Variants in FAXDC2 observed in about 807,000 individuals in gnomAD.
FAXDC2 encodes the protein fatty acid hydroxylase domain-containing protein 2.
Under a neutral mutation model 40.9 loss-of-function variants are expected in FAXDC2, and 41 were observed. That is an observed-to-expected ratio of 1.00 (90% CI 0.78 to 1.30). The LOEUF (loss-of-function observed/expected upper bound fraction) is 1.30, where lower values mean the gene tolerates loss of function less well. Ranked by LOEUF, FAXDC2 falls within the 50% of genes most tolerant of loss-of-function variation. The pLI is 0.00. For missense variants in FAXDC2, 390 were observed against 408.8 expected, an observed-to-expected ratio of 0.95 and a Z score of 0.40; for synonymous variants, 157 against 149.3, an observed-to-expected ratio of 1.05 and a Z score of -0.38.
intron 7 of FAXDC2, chr5:154,821,862 C>A: frequency 6.2e-6 from 1 of 161,262 alleles, no homozygotes; most frequent in South Asian, 1.8e-4. Flanking sequence ...GAGGCCAAGG[C>A]GGGTAGATCA....
intron 2 of FAXDC2, among the ~76,000 whole-genome samples, chr5:154,837,216 A>ACTCT (rs145240877): frequency 2.7e-5 from 4 of 149,050 alleles, no homozygotes; most frequent in South Asian, 2.1e-4. Context: ...ACGTGCACAC[A>ACTCT]CTCTCTCTCT....
At position 154,823,544 on chromosome 5, in the gene FAXDC2, G is replaced by T. The variant is rs944640790; in HGVS notation, c.415C>A (p.Gln139Lys). Reference protein sequence around the residue: ...RQSIRTVLFNQCMISFPMVVF... With the variant: ...RQSIRTVLFNKCMISFPMVVF... ...ACCATGGGGAAAGATATCATGCACT[G>T]GTTGAAAAGAACTGTGCGGATAGAC... Residue 139 changes from glutamine (Q) to lysine (K), a missense_variant, in exon 6 of 9, where the codon CAG (glutamine) becomes AAG (lysine). Coordinates refer to ENST00000326080, the MANE Select transcript of FAXDC2 (RefSeq NM_032385.5). 1.2e-6 allele frequency: 2 copies of T among 1,614,202 alleles called. No individual in the cohort carries two copies. The highest frequency in any genetic ancestry group is 4.5e-5 in the East Asian group (2 of 44,874).
At chr5:154,834,035 C>G (rs1297381706) in intron 4 of FAXDC2, among the ~76,000 whole-genome samples, 1 of 148,174 alleles carries the variant, frequency 6.7e-6, no homozygotes, top group Non-Finnish European at 1.5e-5. Flanking sequence ...TATTATATGT[C>G]ATATTAATAA....
intron 5 of FAXDC2, among the ~76,000 whole-genome samples, chr5:154,829,946 C>T (rs1760147383): frequency 6.6e-6 from 1 of 152,168 alleles, no homozygotes; most frequent in South Asian, 2.1e-4. Flanking sequence ...GTAAGCCAGG[C>T]CAGCAGTCCA....
intron 1 of FAXDC2, among the ~76,000 whole-genome samples, chr5:154,841,152 C>T (rs2113163635): frequency 6.6e-6 from 1 of 152,250 alleles, no homozygotes; most frequent in East Asian, 1.9e-4. Context: ...GAATGGGTTT[C>T]AGACACTCTA....
At chr5:154,845,209 C>T (rs1760572002) in intron 1 of FAXDC2, among the ~76,000 whole-genome samples, 1 of 152,224 alleles carries the variant, frequency 6.6e-6, no homozygotes, top group South Asian at 2.1e-4. Context: ...TGCCCGCCTG[C>T]AGACATGTTT....
At chr5:154,836,820 G>A (rs1355539036) in intron 2 of FAXDC2, among the ~76,000 whole-genome samples, 2 of 152,066 alleles carry the variant, frequency 1.3e-5, no homozygotes, top group East Asian at 3.9e-4. Context: ...GATTGCAGGT[G>A]CCTGCCACCA....
rs78305297 is a variant in FAXDC2 at position 154,822,648 on chromosome 5, C to T, written c.573-71G>A. On this transcript the variant is annotated intron_variant, in intron 6 of 8. Transcript: ENST00000326080. ...CCCTCCCCGACCAGACCATGAGAAA[C>T]CAAAAATAGGAACTAGGGGTTACAT... 1.1e-3 allele frequency: 1,364 copies of T among 1,215,082 alleles called. 7 individuals are homozygous for T. The African/African-American group carries it at 0.018, about 16-fold the overall frequency. The allele number at this position is 1,215,082 out of a possible 1,614,324, so 75.3% of individuals were successfully genotyped here. A position where few individuals can be genotyped will look rare whatever the true frequency, so the allele number is the denominator to read the frequency against.
In FAXDC2 at chr5:154,830,854, C is replaced by T; in HGVS notation, c.313G>A (p.Gly105Arg). The T allele has an allele frequency of 6.2e-7, 1 of 1,614,154 alleles. No individual in the cohort carries two copies. Among genetic ancestry groups the T allele is most frequent in the Non-Finnish European group, 8.5e-7 (1 of 1,180,020 alleles). ...TAGCGAGAGATGAAGTTAGGTTTTC[C>T]TGTTGTGTCAACCACCAATAGAAGC... is the stretch of plus-strand genomic sequence containing the variant. ...NGLLLVVDTT[G>R]KPNFISRYRI... Residue 105 changes from glycine (G) to arginine (R), a missense_variant, in exon 5 of 9, where the codon GGA (glycine) becomes AGA (arginine). Physicochemically the swap from Gly to Arg is moderately radical, Grantham distance 125 (BLOSUM62 -2). Coordinates refer to ENST00000326080, the MANE Select transcript of FAXDC2 (RefSeq NM_032385.5).
intron 1 of FAXDC2, among the ~76,000 whole-genome samples, chr5:154,842,477 T>G (rs1178774777): frequency 1.3e-5 from 2 of 148,952 alleles, no homozygotes; most frequent in Non-Finnish European, 3.0e-5. Context: ...GTGCTGGGAT[T>G]ACAGGCGTGA....
chr5:154,834,223 G>A (rs1194864089), intron 4 of FAXDC2, among the ~76,000 whole-genome samples: 1 of 151,960 alleles, frequency 6.6e-6, no homozygotes, highest in Non-Finnish European at 1.5e-5. Context: ...CATTGAAGCT[G>A]TCAGTAAATA....
chr5:154,844,537 T>C (rs1760552499), intron 1 of FAXDC2, among the ~76,000 whole-genome samples: 1 of 152,222 alleles, frequency 6.6e-6, no homozygotes, highest in Non-Finnish European at 1.5e-5. Context: ...CATTTTTCCC[T>C]CTTTTTAAAG....
intron 5 of FAXDC2, chr5:154,824,750 T>C: frequency 1.8e-6 from 1 of 569,928 alleles, no homozygotes; most frequent in East Asian, 2.9e-5. Flanking sequence ...CCCATGGAAT[T>C]TATGTTCCAG....
At chr5:154,838,399 T>G (rs775571741) in intron 1 of FAXDC2, among the ~76,000 whole-genome samples, 22 of 152,024 alleles carry the variant, frequency 1.4e-4, no homozygotes, top group Non-Finnish European at 2.9e-4. Context: ...AAAAGAGTGG[T>G]GGAAGGGAGG....
At chr5:154,827,218 T>C (rs917176335) in intron 5 of FAXDC2, among the ~76,000 whole-genome samples, 1 of 151,722 alleles carries the variant, frequency 6.6e-6, no homozygotes, top group African/African-American at 2.4e-5. Flanking sequence ...GGCAGGAGAA[T>C]TGCTTGAACC....
At chr5:154,821,168 T>C (rs1227138265) in intron 8 of FAXDC2, 92 bp downstream of exon 8, 2 of 1,082,272 alleles carry the variant, frequency 1.8e-6, no homozygotes, top group East Asian at 4.9e-5. Flanking sequence ...CACTCACATG[T>C]AAACTGAGAT....
chr5:154,824,425 G>A (rs931557635), intron 5 of FAXDC2: 9 of 695,424 alleles, frequency 1.3e-5, no homozygotes, highest in Admixed American at 4.0e-5. Context: ...CCCAAAGCGC[G>A]ACAGGTTCAG....
rs1174739536 is a variant in FAXDC2 at position 154,823,464 on chromosome 5, T to C, written c.495A>G (p.Leu165=). The change falls in exon 6 of 9, where the codon CTA becomes CTG. Residue 165 remains leucine, a synonymous_variant. Coordinates refer to ENST00000326080, the MANE Select transcript of FAXDC2 (RefSeq NM_032385.5). The part of the protein sequence containing the change: ...KWWRDPCRRE[L]PTFHWFLLEL... ...CCAGGAGGAACCAGTGGAAGGTGGG[T>C]AGCTCACGGCGGCAGGGGTCTCTCC... 1.2e-6 allele frequency: 2 copies of C among 1,613,954 alleles called. No homozygotes were observed. Among genetic ancestry groups the C allele is most frequent in the Non-Finnish European group, 1.7e-6 (2 of 1,180,016 alleles).
At chr5:154,827,747 C>T (rs969892496) in intron 5 of FAXDC2, among the ~76,000 whole-genome samples, 1 of 151,768 alleles carries the variant, frequency 6.6e-6, no homozygotes, top group Non-Finnish European at 1.5e-5. Flanking sequence ...GGTGTTTTGT[C>T]ATGTTGCCCA....
Sources: allele counts gnomAD v4.1 joint callset (sites outside exome capture counted in the v4.1 genomes callset), GRCh38; gene constraint gnomAD v4.1.1; transcripts MANE v1.5; gene names NCBI Gene and HGNC (gene_info 2026-07-23, HGNC 2026-07-21).